The following PRKCE variants were observed in gnomAD, a reference collection of about 807,000 sequenced individuals.
PRKCE encodes protein kinase C epsilon type.
PRKCE carries 16 observed loss-of-function variants against 85.4 expected under a neutral mutation model. The ratio of observed to expected loss-of-function variants is 0.19; its 90% CI spans 0.13 to 0.28. The LOEUF (loss-of-function observed/expected upper bound fraction) is 0.28. PRKCE is among the 10% of genes least tolerant of loss of function. The probability of loss-of-function intolerance (pLI) is 1.00; values close to 1 mark genes in which losing one functional copy is unlikely to be tolerated. For missense variants in PRKCE, 573 were observed against 975.2 expected (o/e 0.59, Z 5.49); for synonymous variants, 388 against 371.5 (o/e 1.04, Z -0.51).
At chr2:45,910,364 A>G (rs1697295852) in intron 2 of PRKCE, among the ~76,000 whole-genome samples, 1 of 152,198 alleles carries the variant, frequency 6.6e-6, no homozygotes, top group Non-Finnish European at 1.5e-5. Flanking sequence ...GTGCTAAGAC[A>G]GGAAGCCCAC....
intron 2 of PRKCE, among the ~76,000 whole-genome samples, chr2:45,849,397 T>C (rs905134131): frequency 3.3e-5 from 5 of 152,150 alleles, no homozygotes; most frequent in Non-Finnish European, 5.9e-5. Context: ...TAGAGTCCCA[T>C]AGCAATCCTT....
At chr2:45,675,295 C>G (rs1312832165) in intron 1 of PRKCE, 1 of 152,304 alleles carries the variant, frequency 6.6e-6, no homozygotes, top group African/African-American at 2.4e-5. Context: ...AGGCCTTCAG[C>G]TCTTCTCAGC....
At chr2:46,005,233 G>A (rs2595222) in intron 8 of PRKCE, among the ~76,000 whole-genome samples, 62,980 of 152,046 alleles carry the variant, frequency 0.41, 13,731 homozygotes, top group East Asian at 0.61. Context: ...CTGTCCGACT[G>A]TGCTTCAGAC....
chr2:45,760,968 GC>G (rs1364891022), intron 1 of PRKCE, among the ~76,000 whole-genome samples: 1 of 152,130 alleles, frequency 6.6e-6, no homozygotes, highest in East Asian at 1.9e-4. Flanking sequence ...GGGCATTAGA[GC>G]ACCTGCTCTT....
chr2:45,891,842 G>T (rs1306628312), intron 2 of PRKCE, among the ~76,000 whole-genome samples: 1 of 152,158 alleles, frequency 6.6e-6, no homozygotes, highest in Admixed American at 6.5e-5. Flanking sequence ...TAGCAACCAC[G>T]CTAGCCCAGG....
At chr2:45,790,284 A>G (rs1686932749) in intron 1 of PRKCE, among the ~76,000 whole-genome samples, 1 of 152,262 alleles carries the variant, frequency 6.6e-6, no homozygotes, top group East Asian at 1.9e-4. Context: ...GTATGAAAGC[A>G]TCAGTTTCAA....
chr2:46,097,685 A>G (rs1670840461), intron 11 of PRKCE, among the ~76,000 whole-genome samples: 1 of 152,172 alleles, frequency 6.6e-6, no homozygotes, highest in Non-Finnish European at 1.5e-5. Flanking sequence ...CTTTAGTTAT[A>G]AAAGTCATTC....
intron 2 of PRKCE, among the ~76,000 whole-genome samples, chr2:45,858,344 C>A (rs577659945): frequency 6.6e-6 from 1 of 152,016 alleles, no homozygotes; most frequent in Non-Finnish European, 1.5e-5. Context: ...ATGAGGCCTT[C>A]GTCAGCCTTC....
intron 1 of PRKCE, among the ~76,000 whole-genome samples, chr2:45,782,212 C>T (rs755426878): frequency 2.6e-5 from 4 of 152,142 alleles, no homozygotes; most frequent in African/African-American, 7.2e-5. Flanking sequence ...TACCAAGCCT[C>T]CTCTCGTCCA....
At chr2:46,080,562 A>G (rs373669282) in intron 10 of PRKCE, among the ~76,000 whole-genome samples, 158 of 152,334 alleles carry the variant, frequency 1.0e-3, no homozygotes, top group African/African-American at 3.5e-3. Context: ...CAGACATAAT[A>G]GGAACCCACT....
chr2:45,682,481 C>T (rs1676983210), intron 1 of PRKCE, among the ~76,000 whole-genome samples: 1 of 152,048 alleles, frequency 6.6e-6, no homozygotes, highest in Non-Finnish European at 1.5e-5. Context: ...GGCTGGAGTG[C>T]AGTGGCACGA....
rs1703104209 is a variant in PRKCE, at chr2:45,983,955, T to TG, written c.694-595dup. Among the ~76,000 whole-genome samples the TG allele has an allele frequency of 4.0e-5, 6 of 150,266 alleles. No individual in the cohort carries two copies. In the South Asian group the frequency reaches 1.3e-3, roughly 33 times the overall value. On this transcript the variant is annotated intron_variant, in intron 5 of 14. Coordinates refer to ENST00000306156, the MANE Select transcript of PRKCE (RefSeq NM_005400.3). ...AGGTACAATTTTTTTTTTTTTTTTTTGAGACAGAGTCTTGCTCTGTCACCC... is the reference window on the plus strand; with the variant it reads ...AGGTACAATTTTTTTTTTTTTTTTTTGGAGACAGAGTCTTGCTCTGTCACCC...
chr2:46,057,664 C>T (rs1456983265), intron 10 of PRKCE, among the ~76,000 whole-genome samples: 6 of 152,140 alleles, frequency 3.9e-5, no homozygotes, highest in African/African-American at 1.4e-4. Flanking sequence ...GAACTCCTGA[C>T]CTCAGGTAAT....
intron 14 of PRKCE, among the ~76,000 whole-genome samples, chr2:46,182,003 G>C (rs1680024248): frequency 6.6e-6 from 1 of 152,166 alleles, no homozygotes; most frequent in Non-Finnish European, 1.5e-5. Context: ...CTCGTCCTTA[G>C]TGACGTTACA....
At position 46,019,406 on chromosome 2, in the gene PRKCE, C is replaced by A. The variant is rs1344317014; in HGVS notation, c.1437+8889C>A. 2.0e-5 allele frequency among the ~76,000 whole-genome samples: 3 copies of A among 152,132 alleles called. No homozygotes were observed. In the East Asian group the frequency reaches 5.8e-4, roughly 29 times the overall value. On this transcript the variant is annotated intron_variant, in intron 10 of 14. Transcript: ENST00000306156. ...TGTCCAGGGTGGTTCCCCGCTGGCA[C>A]CCTGAGCTACCAGGAGAGGTTCCAC... is the stretch of plus-strand genomic sequence containing the variant.
At chr2:45,690,060 A>C (rs996839580) in intron 1 of PRKCE, among the ~76,000 whole-genome samples, 11 of 152,138 alleles carry the variant, frequency 7.2e-5, no homozygotes, top group African/African-American at 2.7e-4. Context: ...CATGCACACT[A>C]TCCTGCTTCT....
At chr2:45,801,279 A>T (rs550976442) in intron 1 of PRKCE, among the ~76,000 whole-genome samples, 1 of 152,282 alleles carries the variant, frequency 6.6e-6, no homozygotes, top group South Asian at 2.1e-4. Context: ...TTTTAGGAAG[A>T]CATTTGGTAT....
At chr2:45,705,459 G>T (rs573575) in intron 1 of PRKCE, among the ~76,000 whole-genome samples, 129,043 of 152,240 alleles carry the variant, frequency 0.85, 55,058 homozygotes, top group East Asian at 0.95. Flanking sequence ...CAGAGGAGGC[G>T]GGGTGTAAAC....
chr2:45,912,434 CT>C (rs1697449537), intron 2 of PRKCE, among the ~76,000 whole-genome samples: 1 of 152,182 alleles, frequency 6.6e-6, no homozygotes, highest in Non-Finnish European at 1.5e-5. Context: ...CCTGCTTAGC[CT>C]TCACTTGGTG....
Sources: allele counts gnomAD v4.1 joint callset (sites outside exome capture counted in the v4.1 genomes callset), GRCh38; gene constraint gnomAD v4.1.1; transcripts MANE v1.5; gene names NCBI Gene and HGNC (gene_info 2026-07-23, HGNC 2026-07-21).